The following SLC2A1 variants were observed in gnomAD, a reference collection of about 807,000 sequenced individuals.
SLC2A1 encodes the protein solute carrier family 2 member 1.
Under a neutral mutation model 46.6 loss-of-function variants are expected in SLC2A1, and 4 were observed. The ratio of observed to expected loss-of-function variants is 0.09; its 90% CI spans 0.04 to 0.20. The LOEUF is 0.20. SLC2A1 is among the 10% of genes least tolerant of loss of function. The pLI is 1.00. For synonymous variants in SLC2A1, 253 were observed against 270.0 expected, an observed-to-expected ratio of 0.94 and a Z score of 0.62; for missense variants, 352 against 667.0, an observed-to-expected ratio of 0.53 and a Z score of 5.20.
intron 2 of SLC2A1, among the ~76,000 whole-genome samples, chr1:42,937,199 T>G (rs1643550904): frequency 6.6e-6 from 1 of 152,206 alleles, no homozygotes; most frequent in Admixed American, 6.5e-5. Flanking sequence ...TACCGTGTGC[T>G]CCCTGTACAG....
intron 1 of SLC2A1, among the ~76,000 whole-genome samples, chr1:42,950,841 G>T (rs1429379109): frequency 6.6e-6 from 1 of 152,130 alleles, no homozygotes; most frequent in South Asian, 2.1e-4. Flanking sequence ...GGGCGTGGGG[G>T]GCGCGCGCCT....
At chr1:42,951,737 G>A in intron 1 of SLC2A1, 1 of 394,726 alleles carries the variant, frequency 2.5e-6, no homozygotes, top group Non-Finnish European at 4.4e-6. Flanking sequence ...TGGATGCCAG[G>A]ACCTGGTAGG....
chr1:42,947,222 A>C (rs1643665907), intron 1 of SLC2A1, among the ~76,000 whole-genome samples: 1 of 152,176 alleles, frequency 6.6e-6, no homozygotes, highest in Admixed American at 6.5e-5. Context: ...GAAGGGTACT[A>C]GCCCCATAGA....
At chr1:42,944,792 T>G (rs189436300) in intron 1 of SLC2A1, among the ~76,000 whole-genome samples, 29 of 152,300 alleles carry the variant, frequency 1.9e-4, no homozygotes, top group African/African-American at 6.3e-4. Flanking sequence ...TTAGCCTGCC[T>G]CTGGACATTT....
Position 42,926,896 on chromosome 1 carries a change from T to A in SLC2A1, c.*145A>T. 1 of 1,502,778 alleles carries A rather than the reference T, an allele frequency of 6.7e-7. No homozygotes were observed. Among genetic ancestry groups the A allele is most frequent in the Middle Eastern group, 2.5e-4 (1 of 4,030 alleles). The allele number at this position is 1,502,778 out of a possible 1,614,324, so 93.1% of individuals were successfully genotyped here. On this transcript the variant is annotated 3_prime_UTR_variant, in exon 10 of 10. Coordinates refer to ENST00000426263, the MANE Select transcript of SLC2A1 (RefSeq NM_006516.4). ...AGCCGTTAAGTCCTGAATATTCTTC[T>A]GGACATCATTGCTGGCTGGAGAAAG...
rs906890655 is a variant in SLC2A1 at position 42,930,369 on chromosome 1, C to T, written c.516+257G>A. 3 of 677,490 alleles carry T rather than the reference C, an allele frequency of 4.4e-6. No homozygotes were observed. The highest frequency in any genetic ancestry group is 1.8e-5 in the African/African-American group (1 of 56,072). The allele number at this position is 677,490 out of a possible 1,614,324, so 42.0% of individuals were successfully genotyped here. On this transcript the variant is annotated intron_variant, in intron 4 of 9. Coordinates refer to ENST00000426263, the MANE Select transcript of SLC2A1 (RefSeq NM_006516.4). The surrounding 1 kb of genome is among the most constrained non-coding windows in gnomAD (Gnocchi z 6.2). ...AGAGGGTACTGTGCATAACAGCCTG[C>T]GGCATGTTGGGGGAAGGCGGGCCCT...
chr1:42,948,501 C>T (rs1397898365), intron 1 of SLC2A1, among the ~76,000 whole-genome samples: 6 of 152,166 alleles, frequency 3.9e-5, no homozygotes, highest in South Asian at 2.1e-4. Context: ...AAGCAGGGGA[C>T]GCAGGGCTTT....
At chr1:42,944,060 A>G (rs1242482089) in intron 1 of SLC2A1, among the ~76,000 whole-genome samples, 3 of 152,156 alleles carry the variant, frequency 2.0e-5, no homozygotes, top group Non-Finnish European at 2.9e-5. Flanking sequence ...AATAATCCCC[A>G]AACCATAAGC....
chr1:42,937,720 C>T (rs1643555708), intron 2 of SLC2A1, among the ~76,000 whole-genome samples: 1 of 152,192 alleles, frequency 6.6e-6, no homozygotes, highest in African/African-American at 2.4e-5. Context: ...GTATGTATAA[C>T]AATGCCTGGG....
At chr1:42,943,411 A>G (rs1408218683) in intron 1 of SLC2A1, 90 bp from the exon 2 acceptor site, 3 of 958,666 alleles carry the variant, frequency 3.1e-6, no homozygotes, top group South Asian at 1.4e-5. Flanking sequence ...CTGTGTTCAG[A>G]TATCTTGCCT....
At chr1:42,955,401 G>C (rs12565724) in intron 1 of SLC2A1, among the ~76,000 whole-genome samples, 10,221 of 152,174 alleles carry the variant, frequency 0.067, 703 homozygotes, top group African/African-American at 0.16. Flanking sequence ...CTGAGCTCAA[G>C]AGTTCGAGAC....
At chr1:42,950,084 C>T (rs1643704068) in intron 1 of SLC2A1, among the ~76,000 whole-genome samples, 6 of 152,080 alleles carry the variant, frequency 3.9e-5, no homozygotes, top group Admixed American at 3.9e-4. Flanking sequence ...CAAACTATGG[C>T]AGCTAAGAAT....
At chr1:42,951,896 G>A in intron 1 of SLC2A1, 3 of 401,662 alleles carry the variant, frequency 7.5e-6, no homozygotes, top group Non-Finnish European at 1.3e-5. Flanking sequence ...CTGCCCCACA[G>A]ATGTATGAAC....
chr1:42,952,468 C>T, intron 1 of SLC2A1: 1 of 455,614 alleles, frequency 2.2e-6, no homozygotes, highest in East Asian at 6.8e-5. Flanking sequence ...ATGATGCCAG[C>T]CATGACCGCT....
At chr1:42,944,582 C>G (rs1343935271) in intron 1 of SLC2A1, among the ~76,000 whole-genome samples, 1 of 151,720 alleles carries the variant, frequency 6.6e-6, no homozygotes, top group Non-Finnish European at 1.5e-5. Context: ...CTGGGCATAG[C>G]TGTTACCAGG....
intron 2 of SLC2A1, chr1:42,942,919 C>A: frequency 2.3e-6 from 1 of 439,488 alleles, no homozygotes; most frequent in Non-Finnish European, 4.2e-6. Flanking sequence ...TTGAGCTTTG[C>A]TTTGAGTTTA....
At chr1:42,937,901 C>T (rs1346130749) in intron 2 of SLC2A1, among the ~76,000 whole-genome samples, 3 of 152,210 alleles carry the variant, frequency 2.0e-5, no homozygotes, top group Non-Finnish European at 2.9e-5. Context: ...TTGCCTCCAG[C>T]TCTTTCACTC....
chr1:42,927,008 TG>T lies in SLC2A1; in HGVS notation c.*32del. The stretch of plus-strand genomic sequence containing the variant: ...GCTCCTGAGAGATCCTTAGGGCTGC[TG>T]GGAGCAGGCCGGGCTGGTGATCTGG... On this transcript the variant is annotated 3_prime_UTR_variant, in exon 10 of 10. Coordinates refer to ENST00000426263, the MANE Select transcript of SLC2A1 (RefSeq NM_006516.4). The surrounding 1 kb of genome is among the most constrained non-coding windows in gnomAD (Gnocchi z 5.3). 1 of 1,609,102 alleles carries T rather than the reference TG, an allele frequency of 6.2e-7. No homozygotes were observed. The highest frequency in any genetic ancestry group is 8.5e-7 in the Non-Finnish European group (1 of 1,176,248).
chr1:42,957,178 T>C (rs1461543581), intron 1 of SLC2A1, among the ~76,000 whole-genome samples: 1 of 152,230 alleles, frequency 6.6e-6, no homozygotes, highest in Non-Finnish European at 1.5e-5. Flanking sequence ...AGCCCTGAGA[T>C]ATTTGGACTT....
Sources: gnomAD v4.1 joint callset for allele counts (sites outside exome capture counted in the v4.1 genomes callset) on GRCh38, gnomAD v4.1.1 for gene constraint, Gnocchi (gnomAD v3.1) non-coding constraint, MANE v1.5 for transcripts, NCBI Gene and HGNC (gene_info 2026-07-23, HGNC 2026-07-21) for gene names.